Variants in SLC34A3 observed in about 807,000 individuals in gnomAD.
SLC34A3 encodes the protein solute carrier family 34 member 3, also known as sodium-dependent phosphate transport protein 2C.
In SLC34A3, 60 loss-of-function variants were observed where a neutral mutation model predicts 43.9. The ratio of observed to expected loss-of-function variants is 1.37; its 90% CI spans 1.11 to 1.70. The LOEUF (loss-of-function observed/expected upper bound fraction) is 1.70. Among genes scored for constraint, SLC34A3 ranks in the 40% most tolerant of loss-of-function variants. The pLI is 0.00. For synonymous variants in SLC34A3, 451 were observed against 386.2 expected, an observed-to-expected ratio of 1.17 and a Z score of -1.97; for missense variants, 969 against 823.8, an observed-to-expected ratio of 1.18 and a Z score of -2.16.
chr9:137,232,718 G>T lies in SLC34A3; in HGVS notation c.304+15G>T, dbSNP rs755447222. The T allele has an allele frequency of 6.2e-7, 1 of 1,612,786 alleles. No homozygotes were observed. ...GCTGCTGGGCAGTGAGTGACGGGAC[G>T]GGTGCCCAGGGCGGGGCGGGCAACC... On this transcript the variant is annotated intron_variant, in intron 4 of 12. Coordinates refer to ENST00000673835, the MANE Select transcript of SLC34A3 (RefSeq NM_001177316.2).
At chr9:137,232,255 C>A in intron 3 of SLC34A3, 94 bp downstream of exon 3, 3 of 1,251,570 alleles carry the variant, frequency 2.4e-6, no homozygotes, top group South Asian at 2.4e-5. Context: ...CCCAAACAGG[C>A]TGTGTGTGGG....
intron 9 of SLC34A3, 36 bp downstream of exon 9, chr9:137,233,977 C>G (rs1836411479): frequency 4.7e-6 from 7 of 1,499,318 alleles, no homozygotes; most frequent in South Asian, 1.3e-5. Flanking sequence ...CCTACACCCC[C>G]CACACTCCCC....
chr9:137,230,223 G>A (rs528638340), upstream of SLC34A3, among the ~76,000 whole-genome samples: 289 of 152,226 alleles, frequency 1.9e-3, 1 homozygote, highest in African/African-American at 6.7e-3. Flanking sequence ...AGAACTGTGC[G>A]CTGGGCCAGG....
At chr9:137,231,434 C>T (rs1235646545) in intron 1 of SLC34A3, among the ~76,000 whole-genome samples, 7 of 152,158 alleles carry the variant, frequency 4.6e-5, no homozygotes, top group African/African-American at 1.4e-4. Context: ...GGAGCCCCTT[C>T]GAGTCTACCC....
In SLC34A3 at chr9:137,234,591, C is replaced by G; in HGVS notation, c.1211-16C>G. The G allele has an allele frequency of 6.2e-7, 1 of 1,612,120 alleles. No individual in the cohort carries two copies. The highest frequency in any genetic ancestry group is 8.5e-7 in the Non-Finnish European group (1 of 1,179,742). On this transcript the variant is annotated splice_polypyrimidine_tract_variant and intron_variant, in intron 11 of 12. Coordinates refer to ENST00000673835, the MANE Select transcript of SLC34A3 (RefSeq NM_001177316.2). The surrounding 1 kb of genome is among the most constrained non-coding windows in gnomAD (Gnocchi z 6.9). ...GGCTCGGGCTGGGGTCCTGTGGTGA[C>G]TCCCAGTTCCCCCAGGGGTCGGGGT...
intron 3 of SLC34A3, 35 bp downstream of exon 3, chr9:137,232,196 A>C (rs757080826): frequency 1.3e-6 from 2 of 1,592,788 alleles, no homozygotes; most frequent in Non-Finnish European, 1.7e-6. Context: ...GCAGGCTGGC[A>C]GGCCTCTGTC....
chr9:137,232,889 C>A lies in SLC34A3; in HGVS notation c.410C>A (p.Thr137Lys). ...LVTALVQSSS[T>K]SSSIVVSMVA... ...ACAGCCCTGGTGCAGAGTTCCAGCA[C>A]GTCCTCCTCCATCGTGGTCAGCATG... Residue 137 changes from threonine (T) to lysine (K), a missense_variant, in exon 5 of 13, where the codon ACG becomes AAG. Thr to Lys is a moderately conservative substitution (Grantham distance 78). Coordinates refer to ENST00000673835, the MANE Select transcript of SLC34A3 (RefSeq NM_001177316.2). The A allele has an allele frequency of 6.2e-7, 1 of 1,610,298 alleles. No homozygotes were observed. The highest frequency in any genetic ancestry group is 8.5e-7 in the Non-Finnish European group (1 of 1,178,786).
rs746590268 is a variant in SLC34A3 at position 137,232,086 on chromosome 9, G to A, written c.100G>A (p.Ala34Thr). ...TACCTCCACAGGGACCTCCAGTTCT[G>A]CTCCAGTCTTGGAGGAAGGGGACAC... ...TLRNEGTSSS[A>T]PVLEEGDTDP... is the part of the protein sequence containing the mutation. Residue 34 changes from alanine to threonine, a missense_variant, in exon 3 of 13, where the codon GCT becomes ACT. Coordinates refer to ENST00000673835, the MANE Select transcript of SLC34A3 (RefSeq NM_001177316.2). 10 of 1,613,250 alleles carry A rather than the reference G, an allele frequency of 6.2e-6. No homozygotes were observed. Among genetic ancestry groups the A allele is most frequent in the Non-Finnish European group, 8.5e-6 (10 of 1,180,006 alleles).
Position 137,234,023 on chromosome 9 carries a change from C to T in SLC34A3, c.925+82C>T. 2 of 1,517,858 alleles carry T rather than the reference C, an allele frequency of 1.3e-6. No homozygotes were observed. The highest frequency in any genetic ancestry group is 2.4e-5 in the South Asian group (2 of 83,312). 94.0% of individuals were successfully genotyped at this position (1,517,858 alleles called of 1,614,324 possible). On this transcript the variant is annotated intron_variant, in intron 9 of 12. Coordinates refer to ENST00000673835, the MANE Select transcript of SLC34A3 (RefSeq NM_001177316.2). This position sits in a 1 kb window ranked among gnomAD's most constrained non-coding sequence, Gnocchi z 6.9. Reference sequence around the variant, plus strand: ...CCTACATGGAGAGGAACAGCACAGCCCCGGCGGACAGGCTGCCCTGTGAGG... The same window carrying T: ...CCTACATGGAGAGGAACAGCACAGCTCCGGCGGACAGGCTGCCCTGTGAGG...
rs370167046 is a variant in SLC34A3 at position 137,236,223 on chromosome 9, G to A, written c.1607G>A (p.Arg536Gln). Residue 536 changes from arginine to glutamine, a missense_variant, in exon 13 of 13, where the codon CGG becomes CAG. Arg to Gln is a conservative substitution (Grantham distance 43). Coordinates refer to ENST00000673835, the MANE Select transcript of SLC34A3 (RefSeq NM_001177316.2). ...LLVILVTVLQ[R>Q]RRPAWLPVRL... ...GTCATCCTGGTTACTGTCCTGCAGC[G>A]GCGCCGGCCGGCCTGGCTGCCTGTC... The A allele has an allele frequency of 6.1e-5, 95 of 1,563,920 alleles. No individual in the cohort carries two copies. The highest frequency in any genetic ancestry group is 9.5e-5 in the African/African-American group (7 of 73,436).
At chr9:137,231,514 AG>A in intron 1 of SLC34A3, 149 bp from the exon 2 acceptor site, 3 of 634,894 alleles carry the variant, frequency 4.7e-6, no homozygotes, top group Non-Finnish European at 8.6e-6. Flanking sequence ...GGATGGAGAA[AG>A]GGGGATGGTC....
rs964624499 is a variant in SLC34A3 at position 137,232,130 on chromosome 9, T to C, written c.144T>C (p.Pro48=). Residue 48 remains proline, a synonymous_variant, in exon 3 of 13, where the codon CCT becomes CCC. Coordinates refer to ENST00000673835, the MANE Select transcript of SLC34A3 (RefSeq NM_001177316.2). Reference sequence around the variant, plus strand: ...GGGACACAGACCCCTGGACCCTCCCTCAGCTGAAGGACACAAGCCAGCCCT... The same window carrying C: ...GGGACACAGACCCCTGGACCCTCCCCCAGCTGAAGGACACAAGCCAGCCCT... ...EEGDTDPWTL[P]QLKDTSQPWK... The C allele has an allele frequency of 6.8e-6, 11 of 1,612,964 alleles. No homozygotes were observed. The highest frequency in any genetic ancestry group is 8.5e-6 in the Non-Finnish European group (10 of 1,179,992).
intron 12 of SLC34A3, among the ~76,000 whole-genome samples, chr9:137,235,395 G>C (rs1165406793): frequency 6.6e-6 from 1 of 152,130 alleles, no homozygotes; most frequent in Non-Finnish European, 1.5e-5. Context: ...GCACCCCCTG[G>C]AACCCACGCT....
chr9:137,234,235 G>T lies in SLC34A3; in HGVS notation c.1052G>T (p.Arg351Leu), dbSNP rs372129243. Reference protein sequence around the residue: ...LIVKLLNSVLRGRVAQVVRTV... With the variant: ...LIVKLLNSVLLGRVAQVVRTV... The stretch of plus-strand genomic sequence containing the variant: ...GTCAAGCTGCTCAACTCTGTGCTGC[G>T]CGGCCGCGTGGCCCAGGTCGTGAGG... Residue 351 changes from arginine to leucine, a missense_variant, in exon 10 of 13, where the codon CGC (arginine) becomes CTC (leucine). Arg to Leu is a moderately radical substitution (Grantham distance 102). Coordinates refer to ENST00000673835, the MANE Select transcript of SLC34A3 (RefSeq NM_001177316.2). This position sits in a 1 kb window ranked among gnomAD's most constrained non-coding sequence, Gnocchi z 6.9. 7 of 1,609,984 alleles carry T rather than the reference G, an allele frequency of 4.3e-6. No individual in the cohort carries two copies. Among genetic ancestry groups the T allele is most frequent in the Non-Finnish European group, 4.2e-6 (5 of 1,179,196 alleles).
rs1314557687 is a variant in SLC34A3, at chr9:137,234,768, G to C, written c.1335+37G>C. The C allele has an allele frequency of 6.2e-7, 1 of 1,601,260 alleles. No individual in the cohort carries two copies. Among genetic ancestry groups the C allele is most frequent in the Admixed American group, 1.7e-5 (1 of 59,982 alleles). ...CCTGCCCCGCTGCCAGAACTGGCCAGCTTCCTCTCAGCCCCACAGACAGGA... is the reference window on the plus strand; with the variant it reads ...CCTGCCCCGCTGCCAGAACTGGCCACCTTCCTCTCAGCCCCACAGACAGGA... On this transcript the variant is annotated intron_variant, in intron 12 of 12. Transcript: ENST00000673835. The surrounding 1 kb of genome is among the most constrained non-coding windows in gnomAD (Gnocchi z 6.9).
rs543231436 is a variant in SLC34A3 at position 137,234,260 on chromosome 9, G to A, written c.1077G>A (p.Arg359=). 3 of 1,611,046 alleles carry A rather than the reference G, an allele frequency of 1.9e-6. No individual in the cohort carries two copies. The highest frequency in any genetic ancestry group is 2.2e-5 in the East Asian group (1 of 44,838). Residue 359 remains arginine, a synonymous_variant, in exon 10 of 13, where the codon AGG becomes AGA. Transcript: ENST00000673835. This position sits in a 1 kb window ranked among gnomAD's most constrained non-coding sequence, Gnocchi z 6.9. Reference sequence around the variant, plus strand: ...GCGGCCGCGTGGCCCAGGTCGTGAGGACAGTCATCAATGCGGGTGAGGGCG... The same window carrying A: ...GCGGCCGCGTGGCCCAGGTCGTGAGAACAGTCATCAATGCGGGTGAGGGCG... ...VLRGRVAQVV[R]TVINADFPFP... is the part of the protein sequence containing the mutation.
In SLC34A3 at chr9:137,234,432, G is replaced by A. The variant is rs1400734292; in HGVS notation, c.1110G>A (p.Leu370=). The A allele has an allele frequency of 2.5e-6, 4 of 1,598,644 alleles. No homozygotes were observed. The highest frequency in any genetic ancestry group is 3.4e-6 in the Non-Finnish European group (4 of 1,179,050). ...CCCCCACAGACTTCCCCTTCCCGCT[G>A]GGCTGGCTCGGCGGCTACCTGGCCG... ...TVINADFPFP[L]GWLGGYLAVL... The change falls in exon 11 of 13, where the codon CTG becomes CTA. Residue 370 remains leucine, a synonymous_variant. Transcript: ENST00000673835. This position sits in a 1 kb window ranked among gnomAD's most constrained non-coding sequence, Gnocchi z 6.9.
At position 137,234,130 on chromosome 9, in the gene SLC34A3, C is replaced by T. The variant is rs781170265; in HGVS notation, c.947C>T (p.Thr316Met). 89 of 1,592,588 alleles carry T rather than the reference C, an allele frequency of 5.6e-5. No individual in the cohort carries two copies. In the Admixed American group the frequency reaches 6.1e-4, roughly 11 times the overall value. The change falls in exon 10 of 13, where the codon ACG becomes ATG. Residue 316 changes from threonine (T) to methionine (M), a missense_variant. Physicochemically the swap from Thr to Met is moderately conservative, Grantham distance 81. Coordinates refer to ENST00000673835, the MANE Select transcript of SLC34A3 (RefSeq NM_001177316.2). The surrounding 1 kb of genome is among the most constrained non-coding windows in gnomAD (Gnocchi z 6.9). Reference sequence around the variant, plus strand: ...CCAGGCCGCCACCTGTTTGCGGGCACGGAGCTCACGGACCTGGCCGTGGGC... The same window carrying T: ...CCAGGCCGCCACCTGTTTGCGGGCATGGAGCTCACGGACCTGGCCGTGGGC... ...RLPCRHLFAG[T>M]ELTDLAVGCI...
Position 137,233,916 on chromosome 9 carries a change from CA to C in SLC34A3, c.901del (p.Thr301GlnfsTer42). 3.2e-6 allele frequency: 5 copies of C among 1,586,546 alleles called. No individual in the cohort carries two copies. The highest frequency in any genetic ancestry group is 4.3e-6 in the Non-Finnish European group (5 of 1,166,776). ...TCGGCCCGTGCACAGAGAAGAACAG[CA>C]CAGCCCCGGCGGACAGGCTGCCCTG... ...AFGPCTEKNS[T>X]APADRLPCRH... On this transcript the variant is annotated frameshift_variant, in exon 9 of 13. Coordinates refer to ENST00000673835, the MANE Select transcript of SLC34A3 (RefSeq NM_001177316.2). LOFTEE classifies it high-confidence loss of function.
Sources: gnomAD v4.1 joint callset for allele counts (sites outside exome capture counted in the v4.1 genomes callset) on GRCh38, gnomAD v4.1.1 for gene constraint, Gnocchi (gnomAD v3.1) non-coding constraint, MANE v1.5 for transcripts, NCBI Gene and HGNC (gene_info 2026-07-23, HGNC 2026-07-21) for gene names.